The following KRTAP4-4 variants were observed in gnomAD, a reference collection of about 807,000 sequenced individuals.
The protein encoded by KRTAP4-4 is keratin-associated protein 4-4.
For synonymous variants in KRTAP4-4, 88 were observed against 76.4 expected, an observed-to-expected ratio of 1.15 and a Z score of -0.79; for missense variants, 186 against 206.9, an observed-to-expected ratio of 0.90 and a Z score of 0.62.
chr17:41,160,134 G>T lies in KRTAP4-4; in HGVS notation c.*57C>A. 6.3e-7 allele frequency: 1 copy of T among 1,596,874 alleles called. No homozygotes were observed. The highest frequency in any genetic ancestry group is 8.5e-7 in the Non-Finnish European group (1 of 1,170,688). On this transcript the variant is annotated 3_prime_UTR_variant, in exon 1 of 1. Transcript: ENST00000390661. Reference sequence around the variant, plus strand: ...AGGAAGGCTGGCAGCAGCTGGAAATGCAATAGCTGGGGTGGCAGCAGGTGG... The same window carrying T: ...AGGAAGGCTGGCAGCAGCTGGAAATTCAATAGCTGGGGTGGCAGCAGGTGG...
Position 41,159,939 on chromosome 17 carries a change from A to G in KRTAP4-4, c.*252T>C. 1 of 630,762 alleles carries G rather than the reference A, an allele frequency of 1.6e-6. No homozygotes were observed. Among genetic ancestry groups the G allele is most frequent in the Non-Finnish European group, 2.8e-6 (1 of 355,420 alleles). 39.1% of individuals were successfully genotyped at this position (630,762 alleles called of 1,614,324 possible). Reference sequence around the variant, plus strand: ...GCTACATCAAGAATGCTGGTTGATGAGAATCTGGTGAGTCCAGATGACAGC... The same window carrying G: ...GCTACATCAAGAATGCTGGTTGATGGGAATCTGGTGAGTCCAGATGACAGC... On this transcript the variant is annotated 3_prime_UTR_variant, in exon 1 of 1. Transcript: ENST00000390661.
chr17:41,160,606 G>A lies in KRTAP4-4; in HGVS notation c.86C>T (p.Thr29Ile). ...NCCRPSYCQT[T>I]CCRTTCCRPS... ...GCGGCAGCAGGTGGTCCTGCAGCAGGTGGTCTGGCAGTAGCTGGGACGGCA... is the reference window on the plus strand; with the variant it reads ...GCGGCAGCAGGTGGTCCTGCAGCAGATGGTCTGGCAGTAGCTGGGACGGCA... Residue 29 changes from threonine (T) to isoleucine (I), a missense_variant, in exon 1 of 1, where the codon ACC becomes ATC. Transcript: ENST00000390661. 6.2e-7 allele frequency: 1 copy of A among 1,601,144 alleles called. No individual in the cohort carries two copies. Among genetic ancestry groups the A allele is most frequent in the Non-Finnish European group, 8.6e-7 (1 of 1,168,560 alleles).
chr17:41,159,830 T>G lies in KRTAP4-4; in HGVS notation c.*361A>C. On this transcript the variant is annotated 3_prime_UTR_variant, in exon 1 of 1. Transcript: ENST00000390661. The stretch of plus-strand genomic sequence containing the variant: ...AGAGAGGTAAAATGTGGGGGGAGCA[T>G]ATATTTGGAGGCCAGATTCAATCTA... The G allele has an allele frequency of 2.5e-5, 9 of 355,018 alleles. No homozygotes were observed. The highest frequency in any genetic ancestry group is 1.7e-4 in the East Asian group (3 of 17,674). 22.0% of individuals were successfully genotyped at this position (355,018 alleles called of 1,614,324 possible). A position where few individuals can be genotyped will look rare whatever the true frequency, so the allele number is the denominator to read the frequency against.
rs557926186 is a variant in KRTAP4-4 at position 41,160,340 on chromosome 17, G to T, written c.352C>A (p.Pro118Thr). The change falls in exon 1 of 1, where the codon CCC (proline) becomes ACC (threonine). Residue 118 changes from proline to threonine, a missense_variant. Coordinates refer to ENST00000390661, the MANE Select transcript of KRTAP4-4 (RefSeq NM_032524.2). Reference protein sequence around the residue: ...PQCCQSVCCQPTCCCPSYCVS... With the variant: ...PQCCQSVCCQTTCCCPSYCVS... ...CAGTAGCTGGGGCAGCAGCAGGTGGGCTGGCAGCACACAGACTGGCAGCAC... is the reference window on the plus strand; with the variant it reads ...CAGTAGCTGGGGCAGCAGCAGGTGGTCTGGCAGCACACAGACTGGCAGCAC... 97 of 1,576,340 alleles carry T rather than the reference G, an allele frequency of 6.2e-5. 1 individual carries two copies. The highest frequency in any genetic ancestry group is 5.9e-4 in the South Asian group (53 of 90,060).
Position 41,159,841 on chromosome 17 carries a change from G to A in KRTAP4-4, c.*350C>T. 2.5e-6 allele frequency: 1 copy of A among 395,740 alleles called. No homozygotes were observed. Among genetic ancestry groups the A allele is most frequent in the South Asian group, 3.4e-5 (1 of 29,622 alleles). The allele number at this position is 395,740 out of a possible 1,614,324, so 24.5% of individuals were successfully genotyped here. On this transcript the variant is annotated 3_prime_UTR_variant, in exon 1 of 1. Coordinates refer to ENST00000390661, the MANE Select transcript of KRTAP4-4 (RefSeq NM_032524.2). ...ATGTGGGGGGAGCATATATTTGGAG[G>A]CCAGATTCAATCTAAGAATTGGTTG...
chr17:41,160,021 T>G lies in KRTAP4-4; in HGVS notation c.*170A>C. On this transcript the variant is annotated 3_prime_UTR_variant, in exon 1 of 1. Coordinates refer to ENST00000390661, the MANE Select transcript of KRTAP4-4 (RefSeq NM_032524.2). ...GCGGCAGCACATGGTCTGGCAGCAG[T>G]TGGGGCGGCAGCAACTGGAGATGCA... is the stretch of plus-strand genomic sequence containing the variant. The G allele has an allele frequency of 1.8e-6, 2 of 1,100,666 alleles. No homozygotes were observed. Among genetic ancestry groups the G allele is most frequent in the Admixed American group, 2.4e-5 (1 of 42,138 alleles). The allele number at this position is 1,100,666 out of a possible 1,614,324, so 68.2% of individuals were successfully genotyped here.
chr17:41,159,989 A>C lies in KRTAP4-4; in HGVS notation c.*202T>G. 1 of 800,380 alleles carries C rather than the reference A, an allele frequency of 1.2e-6. No individual in the cohort carries two copies. The highest frequency in any genetic ancestry group is 2.6e-5 in the East Asian group (1 of 38,894). The allele number at this position is 800,380 out of a possible 1,614,324, so 49.6% of individuals were successfully genotyped here. On this transcript the variant is annotated 3_prime_UTR_variant, in exon 1 of 1. Coordinates refer to ENST00000390661, the MANE Select transcript of KRTAP4-4 (RefSeq NM_032524.2). ...CCTCAGCAGCAAGAAGCACTAGAGCAGGTTGGGCGGCAGCACATGGTCTGG... is the reference window on the plus strand; with the variant it reads ...CCTCAGCAGCAAGAAGCACTAGAGCCGGTTGGGCGGCAGCACATGGTCTGG...
At position 41,160,013 on chromosome 17, in the gene KRTAP4-4, G is replaced by T; in HGVS notation, c.*178C>A. ...CAGGTTGGGCGGCAGCACATGGTCT[G>T]GCAGCAGTTGGGGCGGCAGCAACTG... On this transcript the variant is annotated 3_prime_UTR_variant, in exon 1 of 1. Coordinates refer to ENST00000390661, the MANE Select transcript of KRTAP4-4 (RefSeq NM_032524.2). 1 of 1,043,908 alleles carries T rather than the reference G, an allele frequency of 9.6e-7. No homozygotes were observed. Among genetic ancestry groups the T allele is most frequent in the Non-Finnish European group, 1.4e-6 (1 of 707,656 alleles). The allele number at this position is 1,043,908 out of a possible 1,614,324, so 64.7% of individuals were successfully genotyped here. A position where few individuals can be genotyped will look rare whatever the true frequency, so the allele number is the denominator to read the frequency against.
At position 41,160,582 on chromosome 17, in the gene KRTAP4-4, C is replaced by T. The variant is rs201735937; in HGVS notation, c.110G>A (p.Arg37His). 7.0e-5 allele frequency: 113 copies of T among 1,610,142 alleles called. 1 individual carries two copies. The highest frequency in any genetic ancestry group is 8.0e-5 in the Non-Finnish European group (94 of 1,178,560). ...QTTCCRTTCC[R>H]PSCCVSSCCR... is the part of the protein sequence containing the mutation. Reference sequence around the variant, plus strand: ...GCAGCTGGACACACAGCAGCTGGGGCGGCAGCAGGTGGTCCTGCAGCAGGT... The same window carrying T: ...GCAGCTGGACACACAGCAGCTGGGGTGGCAGCAGGTGGTCCTGCAGCAGGT... The change falls in exon 1 of 1, where the codon CGC becomes CAC. Residue 37 changes from arginine to histidine, a missense_variant. Transcript: ENST00000390661.
chr17:41,160,366 T>C lies in KRTAP4-4; in HGVS notation c.326A>G (p.Gln109Arg), dbSNP rs75030409. The change falls in exon 1 of 1, where the codon CAG (glutamine) becomes CGG (arginine). Residue 109 changes from glutamine (Q) to arginine (R), a missense_variant. By Grantham distance (43) the Gln-to-Arg change is conservative (BLOSUM62 1). Coordinates refer to ENST00000390661, the MANE Select transcript of KRTAP4-4 (RefSeq NM_032524.2). ...TCCRPSCCRP[Q>R]CCQSVCCQPT... ...CTGGCAGCACACAGACTGGCAGCAC[T>C]GGGGCCTGCAGCAGCTGGGGCGGCA... The C allele has an allele frequency of 2.5e-3, 3,998 of 1,595,114 alleles. 101 individuals are homozygous for C. The African/African-American group carries it at 0.053, about 21-fold the overall frequency.
rs761143365 is a variant in KRTAP4-4 at position 41,160,696 on chromosome 17, T to C, written c.-5A>G. Reference sequence around the variant, plus strand: ...GCCACAACAGGAGTTGACCATGGTGTCAGAGGGTGGAGGTTCTGGGTGGGT... The same window carrying C: ...GCCACAACAGGAGTTGACCATGGTGCCAGAGGGTGGAGGTTCTGGGTGGGT... On this transcript the variant is annotated 5_prime_UTR_variant, in exon 1 of 1. Coordinates refer to ENST00000390661, the MANE Select transcript of KRTAP4-4 (RefSeq NM_032524.2). The C allele has an allele frequency of 2.5e-6, 4 of 1,603,802 alleles. No homozygotes were observed. The highest frequency in any genetic ancestry group is 3.4e-5 in the Admixed American group (2 of 59,696).
At position 41,159,937 on chromosome 17, in the gene KRTAP4-4, T is replaced by G; in HGVS notation, c.*254A>C. The G allele has an allele frequency of 1.6e-6, 1 of 628,036 alleles. No individual in the cohort carries two copies. Among genetic ancestry groups the G allele is most frequent in the East Asian group, 2.8e-5 (1 of 35,482 alleles). The allele number at this position is 628,036 out of a possible 1,614,324, so 38.9% of individuals were successfully genotyped here. Reference sequence around the variant, plus strand: ...GAGCTACATCAAGAATGCTGGTTGATGAGAATCTGGTGAGTCCAGATGACA... The same window carrying G: ...GAGCTACATCAAGAATGCTGGTTGAGGAGAATCTGGTGAGTCCAGATGACA... On this transcript the variant is annotated 3_prime_UTR_variant, in exon 1 of 1. Coordinates refer to ENST00000390661, the MANE Select transcript of KRTAP4-4 (RefSeq NM_032524.2).
chr17:41,160,358 GGCAGCACTGGGGCCT>G lies in KRTAP4-4; in HGVS notation c.319_333del (p.Arg107_Cys111del). On this transcript the variant is annotated inframe_deletion, in exon 1 of 1. Transcript: ENST00000390661. ...CAGGTGGGCTGGCAGCACACAGACT[GGCAGCACTGGGGCCT>G]GCAGCAGCTGGGGCGGCAGCAGGTG... The G allele has an allele frequency of 6.2e-7, 1 of 1,611,130 alleles. No homozygotes were observed. Among genetic ancestry groups the G allele is most frequent in the Non-Finnish European group, 8.5e-7 (1 of 1,179,428 alleles).
chr17:41,160,211 C>A lies in KRTAP4-4; in HGVS notation c.481G>T (p.Gly161Cys). 6.2e-7 allele frequency: 1 copy of A among 1,610,070 alleles called. No individual in the cohort carries two copies. Among genetic ancestry groups the A allele is most frequent in the Non-Finnish European group, 8.5e-7 (1 of 1,178,994 alleles). Reference sequence around the variant, plus strand: ...ATGGGCTAGCAGCATAGAGACTGGCCACAATGGGGCCTGTAGCACCTGGAC... The same window carrying A: ...ATGGGCTAGCAGCATAGAGACTGGCAACAATGGGGCCTGTAGCACCTGGAC... ...CVSRCYRPHC[G>C]QSLCC The change falls in exon 1 of 1, where the codon GGC (glycine) becomes TGC (cysteine). Residue 161 changes from glycine to cysteine, a missense_variant. Coordinates refer to ENST00000390661, the MANE Select transcript of KRTAP4-4 (RefSeq NM_032524.2).
In KRTAP4-4 at chr17:41,160,062, G is replaced by T; in HGVS notation, c.*129C>A. The T allele has an allele frequency of 7.0e-7, 1 of 1,435,402 alleles. No individual in the cohort carries two copies. The allele number at this position is 1,435,402 out of a possible 1,614,324, so 88.9% of individuals were successfully genotyped here. A position where few individuals can be genotyped will look rare whatever the true frequency, so the allele number is the denominator to read the frequency against. On this transcript the variant is annotated 3_prime_UTR_variant, in exon 1 of 1. Transcript: ENST00000390661. ...TGGAGATGCAGCAGGAGAGCCTGCA[G>T]CAGCTGAAGCCACAGCAGGAGGAGC...
rs201863089 is a variant in KRTAP4-4, at chr17:41,160,414, G to C, written c.278C>G (p.Thr93Ser). 2.8e-4 allele frequency: 458 copies of C among 1,611,794 alleles called. No homozygotes were observed. Among genetic ancestry groups the C allele is most frequent in the Non-Finnish European group, 3.5e-4 (414 of 1,179,282 alleles). Residue 93 changes from threonine to serine, a missense_variant, in exon 1 of 1, where the codon ACT (threonine) becomes AGT (serine). Transcript: ENST00000390661. ...PTCCRPQCCQ[T>S]TCCRTTCCRP... Reference sequence around the variant, plus strand: ...GCAGCAGGTGGTCCTACAGCAGGTAGTCTGGCAGCATTGGGGTCTGCAGCA... The same window carrying C: ...GCAGCAGGTGGTCCTACAGCAGGTACTCTGGCAGCATTGGGGTCTGCAGCA...
Position 41,159,820 on chromosome 17 carries a change from G to C in KRTAP4-4, c.*371C>G, listed in dbSNP as rs768017502. The C allele has an allele frequency of 4.7e-5, 16 of 341,700 alleles. No individual in the cohort carries two copies. Among genetic ancestry groups the C allele is most frequent in the Non-Finnish European group, 7.0e-5 (13 of 185,036 alleles). 21.2% of individuals were successfully genotyped at this position (341,700 alleles called of 1,614,324 possible). On this transcript the variant is annotated 3_prime_UTR_variant, in exon 1 of 1. Coordinates refer to ENST00000390661, the MANE Select transcript of KRTAP4-4 (RefSeq NM_032524.2). ...TTCATTTGGTAGAGAGGTAAAATGT[G>C]GGGGGAGCATATATTTGGAGGCCAG...
Position 41,160,185 on chromosome 17 carries a change from G to A in KRTAP4-4, c.*6C>T. 3 of 1,609,620 alleles carry A rather than the reference G, an allele frequency of 1.9e-6. No individual in the cohort carries two copies. Among genetic ancestry groups the A allele is most frequent in the Non-Finnish European group, 2.5e-6 (3 of 1,177,678 alleles). On this transcript the variant is annotated 3_prime_UTR_variant, in exon 1 of 1. Transcript: ENST00000390661. ...TCCTGTAGCAGGTGGTTTGCCAGCA[G>A]ATGGGCTAGCAGCATAGAGACTGGC...
In KRTAP4-4 at chr17:41,159,708, G is replaced by T. The variant is rs447972; in HGVS notation, c.*483C>A. ...ATTTAGATAAATATTTGTTTAAAAT[G>T]GAATAGCTCCATATGAGAAATTATG... On this transcript the variant is annotated 3_prime_UTR_variant, in exon 1 of 1. Coordinates refer to ENST00000390661, the MANE Select transcript of KRTAP4-4 (RefSeq NM_032524.2). 6,872 of 176,546 alleles carry T rather than the reference G, an allele frequency of 0.039. 531 individuals carry two copies. Among genetic ancestry groups the T allele is most frequent in the African/African-American group, 0.15 (6,469 of 41,816 alleles). The allele number at this position is 176,546 out of a possible 1,614,324, so 10.9% of individuals were successfully genotyped here. A position where few individuals can be genotyped will look rare whatever the true frequency, so the allele number is the denominator to read the frequency against.
Sources: gnomAD v4.1 joint callset for allele counts on GRCh38, gnomAD v4.1.1 for gene constraint, MANE v1.5 for transcripts, NCBI Gene and HGNC (gene_info 2026-07-23, HGNC 2026-07-21) for gene names.